ANKS1B: variants seen among roughly 807,000 people sequenced by gnomAD.
The protein encoded by ANKS1B is ankyrin repeat and sterile alpha motif domain containing 1B.
A neutral mutation model predicts 148.3 loss-of-function variants in ANKS1B; 36 were observed. That is an observed-to-expected ratio of 0.24 (90% CI 0.19 to 0.32). The LOEUF (loss-of-function observed/expected upper bound fraction) is 0.32. ANKS1B is among the 10% of genes least tolerant of loss of function. The probability of loss-of-function intolerance (pLI) is 1.00; values close to 1 mark genes in which losing one functional copy is unlikely to be tolerated. For synonymous variants in ANKS1B, 542 were observed against 560.8 expected (o/e 0.97, Z 0.47); for missense variants, 1,157 against 1,542.6 (o/e 0.75, Z 4.19).
At chr12:99,707,803 T>TA (rs1418582420) in intron 8 of ANKS1B, among the ~76,000 whole-genome samples, 1 of 152,100 alleles carries the variant, frequency 6.6e-6, no homozygotes, top group African/African-American at 2.4e-5. Context: ...TTCGCTGTCT[T>TA]AGAGTTATTA....
chr12:98,996,053 T>TG (rs11441759), intron 17 of ANKS1B, among the ~76,000 whole-genome samples: 75,576 of 151,878 alleles, frequency 0.5, 20,631 homozygotes, highest in African/African-American at 0.74. Context: ...CATCTGGGGC[T>TG]GGAATAGTTC....
intron 9 of ANKS1B, among the ~76,000 whole-genome samples, chr12:99,624,076 G>C (rs1425302928): frequency 6.6e-6 from 1 of 152,040 alleles, no homozygotes; most frequent in African/African-American, 2.4e-5. Flanking sequence ...CAAGGGAACA[G>C]AATACAGAAC....
At chr12:99,477,284 C>T (rs1324340959) in intron 10 of ANKS1B, among the ~76,000 whole-genome samples, 1 of 152,132 alleles carries the variant, frequency 6.6e-6, no homozygotes, top group East Asian at 1.9e-4. Context: ...AGACTGCAGG[C>T]TAACATTGTT....
At chr12:99,466,761 G>A (rs1268355877) in intron 10 of ANKS1B, among the ~76,000 whole-genome samples, 1 of 152,006 alleles carries the variant, frequency 6.6e-6, no homozygotes, top group Non-Finnish European at 1.5e-5. Context: ...TCTATGAATA[G>A]ACCAATAACA....
rs369308498 is a variant in ANKS1B, at chr12:99,984,151, C to T, written c.87G>A (p.Gly29=). The T allele has an allele frequency of 4.3e-6, 7 of 1,613,812 alleles. No homozygotes were observed. The African/African-American group carries it at 8.0e-5, about 18-fold the overall frequency. ...VEKLLSGRKG[G]ILGGGSGPLP... is the part of the protein sequence containing the mutation. ...GGGGTCCGGATCCACCGCCCAGGAT[C>T]CCTCCTTTCCTGCCAGACAGGAGTT... Residue 29 remains glycine (G), a synonymous_variant, in exon 1 of 27, where the codon GGG becomes GGA. Coordinates refer to ENST00000683438, the MANE Select transcript of ANKS1B (RefSeq NM_001352186.2).
At chr12:99,048,300 T>G (rs927722732) in intron 17 of ANKS1B, among the ~76,000 whole-genome samples, 1 of 152,264 alleles carries the variant, frequency 6.6e-6, no homozygotes, top group Non-Finnish European at 1.5e-5. Flanking sequence ...TGCACAGAGA[T>G]AGATCATAAA....
intron 9 of ANKS1B, among the ~76,000 whole-genome samples, chr12:99,629,761 T>A (rs1219995505): frequency 2.0e-5 from 3 of 152,072 alleles, no homozygotes; most frequent in Non-Finnish European, 4.4e-5. Flanking sequence ...AAAATATAAA[T>A]AACTACCATT....
chr12:98,821,721 C>T (rs951486486), intron 19 of ANKS1B, among the ~76,000 whole-genome samples: 6 of 152,082 alleles, frequency 3.9e-5, no homozygotes, highest in African/African-American at 1.4e-4. Context: ...GGTTCTCATG[C>T]CTCAGCCTCC....
intron 1 of ANKS1B, among the ~76,000 whole-genome samples, chr12:99,942,739 G>A (rs78531015): frequency 0.011 from 1,702 of 152,064 alleles, 23 homozygotes; most frequent in African/African-American, 0.036. Context: ...AATATACACC[G>A]GAGAACAAGC....
intron 16 of ANKS1B, among the ~76,000 whole-genome samples, chr12:99,076,785 C>T (rs569895529): frequency 2.0e-4 from 31 of 152,194 alleles, no homozygotes; most frequent in African/African-American, 5.5e-4. Flanking sequence ...TGATAAGTTA[C>T]GGGTCAGTAA....
intron 14 of ANKS1B, among the ~76,000 whole-genome samples, chr12:99,237,980 C>T (rs959829366): frequency 6.6e-5 from 10 of 152,162 alleles, no homozygotes; most frequent in South Asian, 2.1e-4. Context: ...CCAGTGAGAT[C>T]GATGCAGAAG....
At chr12:99,143,122 C>G (rs550455261) in intron 15 of ANKS1B, among the ~76,000 whole-genome samples, 39 of 152,240 alleles carry the variant, frequency 2.6e-4, no homozygotes, top group Non-Finnish European at 4.0e-4. Context: ...AGGCATGAAA[C>G]CAGACATTAG....
At chr12:99,325,555 G>T (rs1220576418) in intron 12 of ANKS1B, among the ~76,000 whole-genome samples, 3 of 149,710 alleles carry the variant, frequency 2.0e-5, no homozygotes, top group Non-Finnish European at 4.4e-5. Flanking sequence ...AACAGCGAAT[G>T]CCATAGACAT....
Position 99,651,379 on chromosome 12 carries a change from G to T in ANKS1B, c.1272+3688C>A, listed in dbSNP as rs187400197. ...AAAATTTAAAAATAAAACAATTTTT[G>T]TTTTTCATGTGGTACGTAGCCCAGT... On this transcript the variant is annotated intron_variant, in intron 9 of 26. Coordinates refer to ENST00000683438, the MANE Select transcript of ANKS1B (RefSeq NM_001352186.2). 3.5e-3 allele frequency among the ~76,000 whole-genome samples: 526 copies of T among 152,148 alleles called. 1 individual carries two copies. The highest frequency in any genetic ancestry group is 5.5e-3 in the Non-Finnish European group (371 of 67,966).
intron 6 of ANKS1B, among the ~76,000 whole-genome samples, chr12:99,776,211 T>A (rs2063632173): frequency 6.6e-6 from 1 of 152,204 alleles, no homozygotes; most frequent in Admixed American, 6.5e-5. Flanking sequence ...CCATTATTCT[T>A]GAAGTAATGT....
chr12:99,659,618 G>A (rs2098466202), intron 8 of ANKS1B, among the ~76,000 whole-genome samples: 1 of 151,796 alleles, frequency 6.6e-6, no homozygotes, highest in Admixed American at 6.6e-5. Flanking sequence ...GGATTTCCCT[G>A]TGAGGCAGTG....
intron 1 of ANKS1B, among the ~76,000 whole-genome samples, chr12:99,894,608 C>T (rs951685618): frequency 1.4e-5 from 2 of 140,008 alleles, no homozygotes; most frequent in Admixed American, 1.4e-4. Context: ...AAGTGAGAGG[C>T]CTTCAACAGA....
intron 23 of ANKS1B, 50 bp from the exon 24 acceptor site, chr12:98,781,253 C>G (rs1369089482): frequency 8.9e-7 from 1 of 1,128,984 alleles, no homozygotes; most frequent in Non-Finnish European, 1.3e-6. Flanking sequence ...TGCGTGGCAA[C>G]TGAAGCACAC....
intron 10 of ANKS1B, among the ~76,000 whole-genome samples, chr12:99,462,975 C>T (rs2152863870): frequency 6.6e-6 from 1 of 152,348 alleles, no homozygotes; most frequent in South Asian, 2.1e-4. Context: ...TCATGCCATG[C>T]TTGAACATCC....
Sources: allele counts gnomAD v4.1 joint callset (sites outside exome capture counted in the v4.1 genomes callset), GRCh38; gene constraint gnomAD v4.1.1; transcripts MANE v1.5; gene names NCBI Gene and HGNC (gene_info 2026-07-23, HGNC 2026-07-21).